Variants in PTPRK observed in about 807,000 individuals in gnomAD.
The protein encoded by PTPRK is protein tyrosine phosphatase receptor type K, also known as receptor-type tyrosine-protein phosphatase kappa.
PTPRK carries 75 observed loss-of-function variants against 178.0 expected under a neutral mutation model. The observed-to-expected ratio is 0.42, with a 90% confidence interval of 0.35 to 0.51. The LOEUF is 0.51. Ranked by LOEUF, PTPRK falls within the 20% of genes least tolerant of loss-of-function variation. The probability of loss-of-function intolerance (pLI) is 0.02; values close to 1 mark genes in which losing one functional copy is unlikely to be tolerated. For synonymous variants in PTPRK, 637 were observed against 620.6 expected (o/e 1.03, Z -0.39); for missense variants, 1,441 against 1,797.8 (o/e 0.80, Z 3.59).
intron 19 of PTPRK, among the ~76,000 whole-genome samples, chr6:127,992,081 A>T (rs1379020738): frequency 6.6e-6 from 1 of 151,822 alleles, no homozygotes; most frequent in Non-Finnish European, 1.5e-5. Context: ...TCTGAGGGCC[A>T]GTAGTCAATT....
At chr6:128,192,557 T>C (rs1050651514) in intron 6 of PTPRK, among the ~76,000 whole-genome samples, 11 of 152,108 alleles carry the variant, frequency 7.2e-5, no homozygotes, top group Admixed American at 1.3e-4. Flanking sequence ...CAGTGGCTCA[T>C]GCCTGTAATC....
At chr6:128,500,909 T>G (rs1241379019) in intron 1 of PTPRK, 1 of 152,142 alleles carries the variant, frequency 6.6e-6, no homozygotes, top group Non-Finnish European at 1.5e-5. Flanking sequence ...CCAGGTAGGC[T>G]GGGACTAGCC....
intron 3 of PTPRK, among the ~76,000 whole-genome samples, chr6:128,270,080 G>A (rs918100657): frequency 6.6e-6 from 1 of 152,030 alleles, no homozygotes; most frequent in East Asian, 1.9e-4. Context: ...GGCTAAGATC[G>A]TTTCCTGGAA....
intron 7 of PTPRK, among the ~76,000 whole-genome samples, chr6:128,103,315 T>A (rs974114298): frequency 2.0e-5 from 3 of 152,034 alleles, no homozygotes; most frequent in African/African-American, 4.8e-5. Flanking sequence ...TCACCATCCT[T>A]CAAGTCTTTG....
intron 13 of PTPRK, among the ~76,000 whole-genome samples, chr6:128,060,301 A>G (rs1002801485): frequency 4.6e-5 from 7 of 152,190 alleles, no homozygotes; most frequent in Admixed American, 1.3e-4. Flanking sequence ...CTTTGACTGT[A>G]AAATTTAAAG....
At chr6:128,150,371 A>G (rs1429702490) in intron 7 of PTPRK, among the ~76,000 whole-genome samples, 1 of 152,152 alleles carries the variant, frequency 6.6e-6, no homozygotes, top group Non-Finnish European at 1.5e-5. Context: ...GAGAGGAGGT[A>G]TATAACTCTA....
intron 7 of PTPRK, among the ~76,000 whole-genome samples, chr6:128,154,023 G>A (rs1435493626): frequency 6.6e-6 from 1 of 151,714 alleles, no homozygotes; most frequent in Non-Finnish European, 1.5e-5. Flanking sequence ...GTATTCTTTA[G>A]CTAAGAATTG....
intron 1 of PTPRK, among the ~76,000 whole-genome samples, chr6:128,451,747 T>C (rs962401150): frequency 2.2e-4 from 34 of 152,298 alleles, no homozygotes; most frequent in African/African-American, 7.7e-4. Context: ...TAATTTCTTA[T>C]ATGGTAAATA....
At chr6:128,451,181 T>C (rs1847742262) in intron 1 of PTPRK, among the ~76,000 whole-genome samples, 1 of 152,192 alleles carries the variant, frequency 6.6e-6, no homozygotes, top group Admixed American at 6.5e-5. Context: ...TCTGATTGTT[T>C]GATACATAAT....
At chr6:128,156,394 A>G (rs1248579175) in intron 7 of PTPRK, among the ~76,000 whole-genome samples, 1 of 151,960 alleles carries the variant, frequency 6.6e-6, no homozygotes, top group Non-Finnish European at 1.5e-5. Context: ...CATAGGCTTA[A>G]CAGGAAGCAT....
intron 1 of PTPRK, among the ~76,000 whole-genome samples, chr6:128,439,776 T>A (rs1337649757): frequency 6.6e-6 from 1 of 152,180 alleles, no homozygotes; most frequent in East Asian, 1.9e-4. Context: ...GAGTAAATAA[T>A]TAAATATATT....
intron 1 of PTPRK, among the ~76,000 whole-genome samples, chr6:128,398,552 A>G (rs968288817): frequency 6.6e-6 from 1 of 152,230 alleles, no homozygotes; most frequent in African/African-American, 2.4e-5. Flanking sequence ...CTTCCTCTAC[A>G]ATGCAAGTTC....
intron 1 of PTPRK, among the ~76,000 whole-genome samples, chr6:128,409,797 CGCT>C (rs1842093583): frequency 6.6e-6 from 1 of 152,036 alleles, no homozygotes; most frequent in South Asian, 2.1e-4. Flanking sequence ...TCTTTTTGCC[CGCT>C]GCCATTCCAC....
At chr6:128,439,101 TAGA>T (rs748568381) in intron 1 of PTPRK, among the ~76,000 whole-genome samples, 1 of 152,270 alleles carries the variant, frequency 6.6e-6, no homozygotes, top group East Asian at 1.9e-4. Context: ...AAAAATTTCT[TAGA>T]AGATCAGGAT....
chr6:128,501,644 A>T (rs570075971), intron 1 of PTPRK, among the ~76,000 whole-genome samples: 1 of 152,332 alleles, frequency 6.6e-6, no homozygotes, highest in South Asian at 2.1e-4. Context: ...GTCCTATATA[A>T]ACAAATATTA....
intron 13 of PTPRK, among the ~76,000 whole-genome samples, chr6:128,035,904 A>T (rs1160844123): frequency 6.6e-6 from 1 of 152,214 alleles, no homozygotes; most frequent in African/African-American, 2.4e-5. Context: ...GAATAGTGGC[A>T]AACATCAGAG....
intron 13 of PTPRK, among the ~76,000 whole-genome samples, chr6:128,021,094 T>C (rs1773429779): frequency 6.6e-6 from 1 of 152,206 alleles, no homozygotes; most frequent in Non-Finnish European, 1.5e-5. Flanking sequence ...GAGTTTGAGA[T>C]TGGTTTTTAA....
chr6:128,436,277 T>G (rs1845587319), intron 1 of PTPRK, among the ~76,000 whole-genome samples: 1 of 152,126 alleles, frequency 6.6e-6, no homozygotes, highest in South Asian at 2.1e-4. Flanking sequence ...TAATAGCAAT[T>G]AAAACTATAC....
intron 7 of PTPRK, among the ~76,000 whole-genome samples, chr6:128,129,817 A>G (rs1275917526): frequency 6.6e-6 from 1 of 152,170 alleles, no homozygotes; most frequent in Admixed American, 6.5e-5. Flanking sequence ...TTTTGTATAT[A>G]CTTTATTGTC....
Sources: gnomAD v4.1 joint callset for allele counts (sites outside exome capture counted in the v4.1 genomes callset) on GRCh38, gnomAD v4.1.1 for gene constraint, MANE v1.5 for transcripts, NCBI Gene and HGNC (gene_info 2026-07-23, HGNC 2026-07-21) for gene names.